The following KPNA4 variants were observed in gnomAD, a reference collection of about 807,000 sequenced individuals.
KPNA4 encodes the protein karyopherin subunit alpha 4.
KPNA4 carries 13 observed loss-of-function variants against 71.3 expected under a neutral mutation model. That is an observed-to-expected ratio of 0.18 (90% CI 0.12 to 0.29). The LOEUF (loss-of-function observed/expected upper bound fraction) is 0.29. Ranked by LOEUF, KPNA4 falls within the 10% of genes least tolerant of loss-of-function variation. The pLI, the probability that KPNA4 is intolerant of heterozygous loss-of-function variation, is 1.00. For missense variants in KPNA4, 334 were observed against 603.2 expected, an observed-to-expected ratio of 0.55 and a Z score of 4.67; for synonymous variants, 189 against 195.2, an observed-to-expected ratio of 0.97 and a Z score of 0.26.
Position 160,554,002 on chromosome 3 carries a change from G to C in KPNA4, c.69+11212C>G, listed in dbSNP as rs776879479. 9.8e-5 allele frequency among the ~76,000 whole-genome samples: 15 copies of C among 152,312 alleles called. No individual in the cohort carries two copies. In the South Asian group the frequency reaches 1.7e-3, roughly 17 times the overall value. ...TAAACTTCATAAGAATAGGAACTCA[G>C]CCTGCATTATGTAGAACCTCCAATA... On this transcript the variant is annotated intron_variant, in intron 1 of 16. Transcript: ENST00000334256.
chr3:160,549,627 T>C lies in KPNA4; in HGVS notation c.70-12787A>G, dbSNP rs1721997381. On this transcript the variant is annotated intron_variant, in intron 1 of 16. Transcript: ENST00000334256. ...GGGCTCTCTATTCTGTTCCACTGTT[T>C]ATGTCTTTATGCCAGTACACCATAC... is the stretch of plus-strand genomic sequence containing the variant. Among the ~76,000 whole-genome samples the C allele has an allele frequency of 2.6e-5, 4 of 152,330 alleles. 1 individual carries two copies. In the South Asian group the frequency reaches 8.3e-4, roughly 32 times the overall value.
chr3:160,517,931 T>G (rs1013680052), intron 11 of KPNA4, among the ~76,000 whole-genome samples: 1 of 152,208 alleles, frequency 6.6e-6, no homozygotes, highest in African/African-American at 2.4e-5. Flanking sequence ...TTCACTTTCT[T>G]GATGGTGTTC....
intron 1 of KPNA4, among the ~76,000 whole-genome samples, chr3:160,537,888 C>T (rs960448643): frequency 2.0e-5 from 3 of 151,840 alleles, no homozygotes; most frequent in African/African-American, 7.3e-5. Context: ...TCTGGGCCAA[C>T]GTACCATTAT....
intron 1 of KPNA4, among the ~76,000 whole-genome samples, chr3:160,556,204 A>C (rs1300235409): frequency 6.6e-6 from 1 of 152,240 alleles, no homozygotes; most frequent in Non-Finnish European, 1.5e-5. Context: ...TTTTGTGCAG[A>C]CATTATGTTT....
At chr3:160,503,992 G>C (rs1297423235) in intron 16 of KPNA4, among the ~76,000 whole-genome samples, 1 of 152,134 alleles carries the variant, frequency 6.6e-6, no homozygotes, top group Non-Finnish European at 1.5e-5. Flanking sequence ...GCTGAGGTGG[G>C]AGGATCACCT....
rs376003741 is a variant in KPNA4 at position 160,497,797 on chromosome 3, G to C, written c.*4307C>G. On this transcript the variant is annotated 3_prime_UTR_variant, in exon 17 of 17. Coordinates refer to ENST00000334256, the MANE Select transcript of KPNA4 (RefSeq NM_002268.5). ...ACTGAAATTTTATATATAAATGGTAGATAATCCACCAAACCCGAGGAGTTA... is the reference window on the plus strand; with the variant it reads ...ACTGAAATTTTATATATAAATGGTACATAATCCACCAAACCCGAGGAGTTA... 4 of 152,258 alleles carry C rather than the reference G, an allele frequency of 2.6e-5. No homozygotes were observed. Among genetic ancestry groups the C allele is most frequent in the African/African-American group, 9.6e-5 (4 of 41,532 alleles). 9.4% of individuals were successfully genotyped at this position (152,258 alleles called of 1,614,324 possible).
At chr3:160,538,163 G>A (rs908190965) in intron 1 of KPNA4, among the ~76,000 whole-genome samples, 23 of 149,770 alleles carry the variant, frequency 1.5e-4, no homozygotes, top group Non-Finnish European at 3.1e-4. Context: ...ATGTATATAT[G>A]TGTGTATATA....
At chr3:160,543,492 C>T (rs1721848070) in intron 1 of KPNA4, among the ~76,000 whole-genome samples, 2 of 151,934 alleles carry the variant, frequency 1.3e-5, no homozygotes, top group South Asian at 4.2e-4. Context: ...ACCACCAAGC[C>T]TGGCTAATTT....
At chr3:160,515,609 T>C in intron 11 of KPNA4, 29 bp from the exon 12 acceptor site, 2 of 1,604,698 alleles carry the variant, frequency 1.2e-6, no homozygotes, top group South Asian at 1.1e-5. Flanking sequence ...TGACATTCTA[T>C]GTGAAATCCT....
chr3:160,533,883 T>C (rs550418432), intron 5 of KPNA4, among the ~76,000 whole-genome samples: 1 of 152,370 alleles, frequency 6.6e-6, no homozygotes, highest in South Asian at 2.1e-4. Flanking sequence ...GCAGATTGCA[T>C]GTTGAGAAGA....
chr3:160,531,059 T>A (rs1355770316), intron 6 of KPNA4, 119 bp from the exon 7 acceptor site: 2 of 682,374 alleles, frequency 2.9e-6, no homozygotes. Flanking sequence ...AAGTTATCTA[T>A]CCATCCAGCA....
Position 160,502,024 on chromosome 3 carries a change from A to G in KPNA4, c.*80T>C, listed in dbSNP as rs548958046. ...GGATCAAACCTTTTTATATATATGT[A>G]TATATATATATATATACACACACAC... On this transcript the variant is annotated 3_prime_UTR_variant, in exon 17 of 17. Transcript: ENST00000334256. The G allele has an allele frequency of 3.6e-3, 661 of 182,104 alleles. 1 individual carries two copies. Among genetic ancestry groups the G allele is most frequent in the African/African-American group, 0.013 (396 of 31,556 alleles). The allele number at this position is 182,104 out of a possible 1,614,324, so 11.3% of individuals were successfully genotyped here. A position where few individuals can be genotyped will look rare whatever the true frequency, so the allele number is the denominator to read the frequency against.
chr3:160,514,470 A>G (rs1305480479), intron 12 of KPNA4, among the ~76,000 whole-genome samples: 3 of 152,214 alleles, frequency 2.0e-5, no homozygotes, highest in Non-Finnish European at 4.4e-5. Flanking sequence ...AATTTGAATG[A>G]GCAAATATGA....
intron 10 of KPNA4, 68 bp downstream of exon 10, chr3:160,525,732 T>C: frequency 2.0e-6 from 2 of 1,004,196 alleles, no homozygotes; most frequent in Non-Finnish European, 2.8e-6. Context: ...TTCTCCCCTA[T>C]GTCACAGGGG....
At chr3:160,531,055 T>A in intron 6 of KPNA4, 115 bp from the exon 7 acceptor site, 1 of 703,666 alleles carries the variant, frequency 1.4e-6, no homozygotes, top group Non-Finnish European at 2.4e-6. Context: ...TCAAAAGTTA[T>A]CTATCCATCC....
intron 1 of KPNA4, among the ~76,000 whole-genome samples, chr3:160,555,994 G>T (rs1403760956): frequency 6.6e-6 from 1 of 152,102 alleles, no homozygotes; most frequent in African/African-American, 2.4e-5. Context: ...ACCATGCCTG[G>T]CTAATTTTGT....
At chr3:160,513,471 C>T (rs1721143556) in intron 13 of KPNA4, among the ~76,000 whole-genome samples, 1 of 151,932 alleles carries the variant, frequency 6.6e-6, no homozygotes. Flanking sequence ...CCCTATGTTG[C>T]CCAGGCTGGT....
At chr3:160,540,119 C>G (rs1442831616) in intron 1 of KPNA4, among the ~76,000 whole-genome samples, 1 of 151,398 alleles carries the variant, frequency 6.6e-6, no homozygotes, top group Non-Finnish European at 1.5e-5. Context: ...CCTGCCTCAG[C>G]CTCCTGAGTA....
chr3:160,503,733 C>CA (rs1408140580), intron 16 of KPNA4, among the ~76,000 whole-genome samples: 3 of 152,114 alleles, frequency 2.0e-5, no homozygotes, highest in Non-Finnish European at 2.9e-5. Flanking sequence ...CACCAAATTG[C>CA]AAATTATGAT....
Sources: allele counts gnomAD v4.1 joint callset (sites outside exome capture counted in the v4.1 genomes callset), GRCh38; gene constraint gnomAD v4.1.1; transcripts MANE v1.5; gene names NCBI Gene and HGNC (gene_info 2026-07-23, HGNC 2026-07-21).